The following ALK variants were observed in gnomAD, a reference collection of about 807,000 sequenced individuals.
ALK encodes ALK receptor tyrosine kinase, also known as ALK tyrosine kinase receptor.
In ALK, 74 loss-of-function variants were observed where a neutral mutation model predicts 163.1. The ratio of observed to expected loss-of-function variants is 0.45; its 90% confidence interval spans 0.38 to 0.55. ALK has a LOEUF of 0.55. Among genes scored for constraint, ALK ranks in the 20% least tolerant of loss-of-function variants. The pLI, the probability that ALK is intolerant of heterozygous loss-of-function variation, is 0.00. For missense variants in ALK, 2,063 were observed against 2,105.3 expected (o/e 0.98, Z 0.39); for synonymous variants, 960 against 843.2 (o/e 1.14, Z -2.40).
chr2:29,611,092 G>A (rs1675678799), intron 3 of ALK, among the ~76,000 whole-genome samples: 1 of 152,176 alleles, frequency 6.6e-6, no homozygotes, highest in African/African-American at 2.4e-5. Context: ...GCATGGGAAT[G>A]TTGCCCATCA....
chr2:29,633,571 GA>G (rs901263792), intron 3 of ALK, among the ~76,000 whole-genome samples: 27 of 150,822 alleles, frequency 1.8e-4, no homozygotes, highest in South Asian at 6.3e-4. Context: ...TAAATATAGA[GA>G]AAAAAATCAA....
At chr2:29,433,743 G>A (rs1336482722) in intron 4 of ALK, among the ~76,000 whole-genome samples, 1 of 152,026 alleles carries the variant, frequency 6.6e-6, no homozygotes, top group East Asian at 1.9e-4. Flanking sequence ...AAATGATGAG[G>A]TACAGCTAAT....
At chr2:29,728,313 G>A (rs1413241388) in intron 1 of ALK, among the ~76,000 whole-genome samples, 1 of 152,314 alleles carries the variant, frequency 6.6e-6, no homozygotes, top group East Asian at 1.9e-4. Context: ...CAAGGTTCTG[G>A]AGCCAAAAGG....
At chr2:29,776,248 A>G (rs963618661) in intron 1 of ALK, among the ~76,000 whole-genome samples, 3 of 112,182 alleles carry the variant, frequency 2.7e-5, no homozygotes, top group African/African-American at 6.1e-5. Flanking sequence ...AAAAAAAAAA[A>G]AAGAAGCTTC....
At chr2:29,437,832 T>C (rs1670441027) in intron 4 of ALK, among the ~76,000 whole-genome samples, 1 of 152,238 alleles carries the variant, frequency 6.6e-6, no homozygotes, top group South Asian at 2.1e-4. Flanking sequence ...CTATAGATTA[T>C]CTTTGGTGGT....
chr2:29,646,180 C>T (rs1272327961), intron 3 of ALK, among the ~76,000 whole-genome samples: 4 of 152,120 alleles, frequency 2.6e-5, no homozygotes, highest in African/African-American at 9.7e-5. Flanking sequence ...TACCTGTAGT[C>T]ATTTCTAACC....
intron 4 of ALK, among the ~76,000 whole-genome samples, chr2:29,403,145 C>T (rs929656520): frequency 2.6e-5 from 4 of 152,188 alleles, no homozygotes; most frequent in Admixed American, 6.5e-5. Flanking sequence ...CTTCTAGCAC[C>T]GTACCTAGAA....
chr2:29,535,935 G>A (rs568193712), intron 3 of ALK, among the ~76,000 whole-genome samples: 195 of 152,164 alleles, frequency 1.3e-3, no homozygotes, highest in Admixed American at 2.4e-3. Flanking sequence ...GAACTTTCCC[G>A]CTAAGATGTA....
intron 1 of ALK, among the ~76,000 whole-genome samples, chr2:29,820,989 GAGA>G (rs780088553): frequency 2.0e-5 from 3 of 152,208 alleles, no homozygotes; most frequent in Non-Finnish European, 2.9e-5. Flanking sequence ...ATGCTGTGTG[GAGA>G]AGAAGGAGCT....
chr2:29,671,337 G>A (rs1311777728), intron 3 of ALK, among the ~76,000 whole-genome samples: 2 of 152,086 alleles, frequency 1.3e-5, no homozygotes, highest in African/African-American at 4.8e-5. Flanking sequence ...GGGAACCTGT[G>A]AAATGTGCCT....
At chr2:29,501,458 T>A (rs1672173611) in intron 4 of ALK, among the ~76,000 whole-genome samples, 1 of 152,214 alleles carries the variant, frequency 6.6e-6, no homozygotes. Context: ...CCTTACTGGT[T>A]TGCTGCTCCT....
At chr2:29,565,559 AC>A (rs1304919953) in intron 3 of ALK, among the ~76,000 whole-genome samples, 2 of 152,148 alleles carry the variant, frequency 1.3e-5, no homozygotes, top group African/African-American at 4.8e-5. Flanking sequence ...GCCTAAACAA[AC>A]AAGAAGAGCC....
At chr2:29,717,728 C>A in intron 1 of ALK, 31 bp from the exon 2 acceptor site, 1 of 1,613,694 alleles carries the variant, frequency 6.2e-7, no homozygotes, top group South Asian at 1.1e-5. Flanking sequence ...AACACTGATC[C>A]ATGTGCTTGG....
chr2:29,362,653 C>T (rs1234320183), intron 5 of ALK, among the ~76,000 whole-genome samples: 2 of 152,208 alleles, frequency 1.3e-5, no homozygotes, highest in Non-Finnish European at 2.9e-5. Context: ...ACAGTCACTG[C>T]ATCCTCCCCC....
intron 9 of ALK, among the ~76,000 whole-genome samples, chr2:29,294,892 T>C (rs12328903): frequency 0.12 from 17,630 of 152,142 alleles, 1,052 homozygotes; most frequent in African/African-American, 0.14. Context: ...TTGGGGCCAG[T>C]CACATCTACA....
chr2:29,220,716 C>T lies in ALK; in HGVS notation c.3635G>A (p.Arg1212His), dbSNP rs143790259. ...GDLKSFLRET[R>H]PRPSQPSSLA... ...CTGGTTCTCACTCACCGGGCGAGGG[C>T]GGGTCTCTCGGAGGAAGGACTTGAG... is the stretch of plus-strand genomic sequence containing the variant. The change falls in exon 23 of 29, where the codon CGC becomes CAC. Residue 1212 changes from arginine to histidine, a missense_variant. Arg to His is a conservative substitution (Grantham distance 29). Transcript: ENST00000389048. The T allele has an allele frequency of 2.0e-5, 33 of 1,613,550 alleles. No individual in the cohort carries two copies. Among genetic ancestry groups the T allele is most frequent in the Non-Finnish European group, 2.6e-5 (31 of 1,179,744 alleles).
chr2:29,431,875 G>T (rs1317680795), intron 4 of ALK, among the ~76,000 whole-genome samples: 1 of 152,094 alleles, frequency 6.6e-6, no homozygotes, highest in Non-Finnish European at 1.5e-5. Flanking sequence ...CAAGTCAGAT[G>T]TGTACTCTAT....
chr2:29,212,627 C>G (rs1462081810), intron 24 of ALK, among the ~76,000 whole-genome samples: 1 of 152,212 alleles, frequency 6.6e-6, no homozygotes, highest in Non-Finnish European at 1.5e-5. Flanking sequence ...AGTGTACTTC[C>G]TGACCTCTCA....
intron 1 of ALK, 138 bp downstream of exon 1, chr2:29,919,855 G>A (rs1667939696): frequency 9.1e-7 from 1 of 1,093,080 alleles, no homozygotes; most frequent in African/African-American, 1.6e-5. Flanking sequence ...TCGGGAAGGA[G>A]GTTTGCGGGA....
Sources: allele counts gnomAD v4.1 joint callset (sites outside exome capture counted in the v4.1 genomes callset), GRCh38; gene constraint gnomAD v4.1.1; transcripts MANE v1.5; gene names NCBI Gene and HGNC (gene_info 2026-07-23, HGNC 2026-07-21).